Variants in ABCB1 observed in about 807,000 individuals in gnomAD.
ABCB1 encodes the protein ATP binding cassette subfamily B member 1.
ABCB1 carries 69 observed loss-of-function variants against 142.0 expected under a neutral mutation model. The ratio of observed to expected loss-of-function variants is 0.49; its 90% confidence interval spans 0.40 to 0.59. The LOEUF (loss-of-function observed/expected upper bound fraction) is 0.59, where lower values mean the gene tolerates loss of function less well. ABCB1 is among the 20% of genes least tolerant of loss of function. The pLI, the probability that ABCB1 is intolerant of heterozygous loss-of-function variation, is 0.00. For synonymous variants in ABCB1, 532 were observed against 539.2 expected, an observed-to-expected ratio of 0.99 and a Z score of 0.18; for missense variants, 1,326 against 1,554.7, an observed-to-expected ratio of 0.85 and a Z score of 2.47.
chr7:87,669,036 T>A (rs1374904780), intron 1 of ABCB1, among the ~76,000 whole-genome samples: 1 of 127,232 alleles, frequency 7.9e-6, no homozygotes, highest in Admixed American at 7.7e-5. Flanking sequence ...TCTTTGTTAA[T>A]TGTCTGCCTC....
At chr7:87,581,086 C>T (rs967354003) in intron 4 of ABCB1, among the ~76,000 whole-genome samples, 5 of 151,900 alleles carry the variant, frequency 3.3e-5, no homozygotes. Context: ...GTTTGGCTAT[C>T]TTGTTCCACC....
chr7:87,536,268 T>C (rs962396949), intron 20 of ABCB1, among the ~76,000 whole-genome samples, 190 bp downstream of exon 20: 1 of 152,254 alleles, frequency 6.6e-6, no homozygotes, highest in African/African-American at 2.4e-5. Context: ...GTTATCTATA[T>C]GCTCTACAGT....
At chr7:87,517,794 T>G (rs1352402847) in intron 23 of ABCB1, among the ~76,000 whole-genome samples, 3 of 152,186 alleles carry the variant, frequency 2.0e-5, no homozygotes, top group African/African-American at 7.2e-5. Flanking sequence ...AACTTAAAGT[T>G]GGGAAGGACC....
intron 1 of ABCB1, among the ~76,000 whole-genome samples, chr7:87,687,657 ATTTC>A (rs1321502302): frequency 6.6e-6 from 1 of 152,086 alleles, no homozygotes; most frequent in Non-Finnish European, 1.5e-5. Context: ...AAGAGTAATA[ATTTC>A]TTTATTTTTT....
intron 1 of ABCB1, among the ~76,000 whole-genome samples, chr7:87,618,525 G>A (rs1414886926): frequency 6.6e-6 from 1 of 152,176 alleles, no homozygotes; most frequent in Non-Finnish European, 1.5e-5. Context: ...TTTGGTTGGG[G>A]AGGACAATGC....
chr7:87,609,967 A>G (rs1032101520), intron 1 of ABCB1, among the ~76,000 whole-genome samples: 3 of 152,248 alleles, frequency 2.0e-5, no homozygotes, highest in Non-Finnish European at 2.9e-5. Context: ...AAATAAGGTA[A>G]TGAGGCTAAC....
Position 87,504,368 on chromosome 7 carries a change from C to A in ABCB1, c.3718G>T (p.Ala1240Ser), listed in dbSNP as rs201089646. Residue 1240 changes from alanine (A) to serine (S), a missense_variant, in exon 28 of 28, where the codon GCA becomes TCA. Ala to Ser is a moderately conservative substitution (Grantham distance 99). Coordinates refer to ENST00000622132, the MANE Select transcript of ABCB1 (RefSeq NM_001348946.2). ...IAHRLSTIQNADLIVVFQNGR... is the reference protein window; with the variant it reads ...IAHRLSTIQNSDLIVVFQNGR... ...TTCTGAAACACCACTATTAAGTCTG[C>A]ATTCTGGATGGTGGACAGGCGGTGA... is the stretch of plus-strand genomic sequence containing the variant. The A allele has an allele frequency of 6.2e-6, 10 of 1,614,110 alleles. No homozygotes were observed. The highest frequency in any genetic ancestry group is 1.7e-4 in the Middle Eastern group (1 of 6,032).
chr7:87,506,150 T>A, intron 26 of ABCB1, 107 bp from the exon 27 acceptor site: 2 of 1,170,090 alleles, frequency 1.7e-6, no homozygotes, highest in South Asian at 2.7e-5. Context: ...AAAATTTAGG[T>A]TCAGAAGCTA....
At chr7:87,701,617 A>G (rs866146584) in intron 1 of ABCB1, among the ~76,000 whole-genome samples, 1 of 152,218 alleles carries the variant, frequency 6.6e-6, no homozygotes, top group Non-Finnish European at 1.5e-5. Flanking sequence ...TGAAAAAGTC[A>G]TTAATATGAT....
chr7:87,709,642 T>C, intron 1 of ABCB1: 1 of 377,636 alleles, frequency 2.6e-6, no homozygotes, highest in Non-Finnish European at 3.6e-6. Flanking sequence ...TCCCATAGTT[T>C]GGTGAATTCA....
At chr7:87,536,254 A>G (rs1371018824) in intron 20 of ABCB1, among the ~76,000 whole-genome samples, 1 of 152,232 alleles carries the variant, frequency 6.6e-6, no homozygotes, top group Admixed American at 6.5e-5. Context: ...CAAATGGTTT[A>G]TAAGTTATCT....
At chr7:87,683,859 G>A (rs547136655) in intron 1 of ABCB1, among the ~76,000 whole-genome samples, 4 of 152,232 alleles carry the variant, frequency 2.6e-5, no homozygotes, top group African/African-American at 9.6e-5. Context: ...TACAATATCT[G>A]CAAAGCACAA....
intron 1 of ABCB1, among the ~76,000 whole-genome samples, chr7:87,665,001 C>G (rs992003031): frequency 1.3e-5 from 2 of 152,090 alleles, no homozygotes; most frequent in African/African-American, 4.8e-5. Flanking sequence ...GCATCATATT[C>G]AGTGGTAAAA....
chr7:87,649,638 A>G (rs990411484), intron 1 of ABCB1, among the ~76,000 whole-genome samples: 1 of 152,154 alleles, frequency 6.6e-6, no homozygotes, highest in Non-Finnish European at 1.5e-5. Flanking sequence ...AATATAGTAC[A>G]CTTTACAGAT....
intron 7 of ABCB1, among the ~76,000 whole-genome samples, 169 bp from the exon 8 acceptor site, chr7:87,561,556 C>T (rs778275110): frequency 7.9e-5 from 12 of 152,340 alleles, no homozygotes; most frequent in Admixed American, 1.3e-4. Context: ...AAGTAAACCT[C>T]TCCCTGAAAC....
At chr7:87,542,093 C>T (rs1816564597) in intron 17 of ABCB1, among the ~76,000 whole-genome samples, 1 of 152,136 alleles carries the variant, frequency 6.6e-6, no homozygotes, top group African/African-American at 2.4e-5. Context: ...GGAAAGAAAA[C>T]ACGTATCTCC....
intron 1 of ABCB1, among the ~76,000 whole-genome samples, chr7:87,698,076 A>G (rs887872006): frequency 6.6e-6 from 1 of 152,238 alleles, no homozygotes; most frequent in Admixed American, 6.5e-5. Flanking sequence ...ATTTGTAAGT[A>G]GCAAAATTTT....
intron 1 of ABCB1, among the ~76,000 whole-genome samples, chr7:87,641,440 G>C (rs1822443040): frequency 6.6e-6 from 1 of 152,124 alleles, no homozygotes; most frequent in Admixed American, 6.5e-5. Flanking sequence ...GGTTAGTCTT[G>C]AACAACCTAC....
intron 24 of ABCB1, among the ~76,000 whole-genome samples, 167 bp downstream of exon 24, chr7:87,516,342 C>T (rs926023838): frequency 1.3e-5 from 2 of 152,212 alleles, no homozygotes; most frequent in African/African-American, 2.4e-5. Context: ...CGTAAAAGTA[C>T]TGAATGTTGA....
Sources: gnomAD v4.1 joint callset for allele counts (sites outside exome capture counted in the v4.1 genomes callset) on GRCh38, gnomAD v4.1.1 for gene constraint, MANE v1.5 for transcripts, NCBI Gene and HGNC (gene_info 2026-07-23, HGNC 2026-07-21) for gene names.